Variants in LRRC4C observed in about 807,000 individuals in gnomAD.
LRRC4C encodes leucine-rich repeat-containing protein 4C.
Under a neutral mutation model 33.6 loss-of-function variants are expected in LRRC4C, and 5 were observed. The ratio of observed to expected loss-of-function variants is 0.15; its 90% CI spans 0.08 to 0.31. LRRC4C has a LOEUF of 0.31. Ranked by LOEUF, LRRC4C falls within the 10% of genes least tolerant of loss-of-function variation. The probability of loss-of-function intolerance (pLI) is 1.00; values close to 1 mark genes in which losing one functional copy is unlikely to be tolerated. For missense variants in LRRC4C, 560 were observed against 796.7 expected (o/e 0.70, Z 3.58); for synonymous variants, 329 against 302.0 (o/e 1.09, Z -0.93).
intron 2 of LRRC4C, among the ~76,000 whole-genome samples, chr11:40,682,226 C>T (rs1944724966): frequency 6.6e-6 from 1 of 150,942 alleles, no homozygotes; most frequent in Non-Finnish European, 1.5e-5. Context: ...GCCATGATTG[C>T]ACCACTGCAC....
chr11:40,131,138 C>T lies in LRRC4C; in HGVS notation c.-43+9663G>A, dbSNP rs370960950. 5.9e-4 allele frequency among the ~76,000 whole-genome samples: 90 copies of T among 152,204 alleles called. 2 individuals are homozygous for T. The South Asian group carries it at 0.016, about 27-fold the overall frequency. ...AATAAATATTAGCTGAATTGAATTACGGAAATGTGTCACATATTTTAATTC... is the reference window on the plus strand; with the variant it reads ...AATAAATATTAGCTGAATTGAATTATGGAAATGTGTCACATATTTTAATTC... On this transcript the variant is annotated intron_variant, in intron 6 of 6. Transcript: ENST00000528697.
At chr11:40,136,182 T>C (rs1029400713) in intron 6 of LRRC4C, among the ~76,000 whole-genome samples, 10 of 151,938 alleles carry the variant, frequency 6.6e-5, no homozygotes, top group Non-Finnish European at 1.2e-4. Flanking sequence ...TGATAAACTG[T>C]ATGGCTTGCA....
intron 1 of LRRC4C, among the ~76,000 whole-genome samples, chr11:41,216,464 A>G (rs930810771): frequency 6.6e-6 from 1 of 151,986 alleles, no homozygotes; most frequent in Non-Finnish European, 1.5e-5. Context: ...CTTAAGTAAA[A>G]AAAAAAAAAA....
At chr11:40,126,840 A>G (rs921210365) in intron 6 of LRRC4C, among the ~76,000 whole-genome samples, 4 of 152,028 alleles carry the variant, frequency 2.6e-5, no homozygotes, top group Non-Finnish European at 5.9e-5. Flanking sequence ...CATCCCTGTA[A>G]TCCCAGCTAC....
chr11:40,234,533 C>A (rs1865423157), intron 5 of LRRC4C, among the ~76,000 whole-genome samples: 1 of 152,048 alleles, frequency 6.6e-6, no homozygotes, highest in Non-Finnish European at 1.5e-5. Flanking sequence ...TTTTGGGAGG[C>A]AAAGGTAAGA....
Position 40,663,343 on chromosome 11 carries a change from A to C in LRRC4C, c.-406-15065T>G, listed in dbSNP as rs34148083. On this transcript the variant is annotated intron_variant, in intron 2 of 6. Transcript: ENST00000528697. Reference sequence around the variant, plus strand: ...TGATCTGCCAGCCTTGGCCTCCCAAAGTGTTGGGATTACAGGCGTGAGCCA... The same window carrying C: ...TGATCTGCCAGCCTTGGCCTCCCAACGTGTTGGGATTACAGGCGTGAGCCA... 3.6e-3 allele frequency among the ~76,000 whole-genome samples: 542 copies of C among 152,238 alleles called. 5 individuals carry two copies. The highest frequency in any genetic ancestry group is 0.013 in the African/African-American group (524 of 41,550).
At chr11:40,855,479 CACTT>C (rs1255781988) in intron 2 of LRRC4C, among the ~76,000 whole-genome samples, 1 of 152,126 alleles carries the variant, frequency 6.6e-6, no homozygotes, top group East Asian at 1.9e-4. Flanking sequence ...ATGCTTGGCA[CACTT>C]ACTATGTTTT....
At chr11:41,029,454 A>C (rs1407832830) in intron 1 of LRRC4C, among the ~76,000 whole-genome samples, 1 of 151,766 alleles carries the variant, frequency 6.6e-6, no homozygotes, top group African/African-American at 2.4e-5. Flanking sequence ...ATTTTCATTT[A>C]GACTGCTAGC....
intron 1 of LRRC4C, among the ~76,000 whole-genome samples, chr11:41,380,876 A>G (rs1953120285): frequency 6.6e-6 from 1 of 152,136 alleles, no homozygotes; most frequent in Admixed American, 6.6e-5. Flanking sequence ...CAATGTCAGG[A>G]TAGGTTAGAC....
At chr11:41,021,204 A>AGTGT (rs1488951822) in intron 1 of LRRC4C, among the ~76,000 whole-genome samples, 5 of 46,190 alleles carry the variant, frequency 1.1e-4, no homozygotes, top group African/African-American at 2.5e-4. Flanking sequence ...AGAGAGAGAG[A>AGTGT]GAGAGAGAGA....
At chr11:41,021,210 A>AGT (rs1429047906) in intron 1 of LRRC4C, among the ~76,000 whole-genome samples, 1 of 133,442 alleles carries the variant, frequency 7.5e-6, no homozygotes, top group African/African-American at 2.8e-5. Context: ...AGAGAGAGAG[A>AGT]GAGAGTGTGT....
chr11:41,094,667 T>C (rs1189720829), intron 1 of LRRC4C, among the ~76,000 whole-genome samples: 1 of 152,230 alleles, frequency 6.6e-6, no homozygotes, highest in Non-Finnish European at 1.5e-5. Flanking sequence ...ATTTAGTGTA[T>C]ATTATATACT....
At chr11:40,495,990 C>T (rs1261910337) in intron 3 of LRRC4C, among the ~76,000 whole-genome samples, 4 of 151,552 alleles carry the variant, frequency 2.6e-5, no homozygotes, top group African/African-American at 4.8e-5. Context: ...CCACCACGCC[C>T]GGCTAATTTT....
chr11:40,370,831 A>T (rs1297803386), intron 3 of LRRC4C, among the ~76,000 whole-genome samples: 1 of 152,248 alleles, frequency 6.6e-6, no homozygotes, highest in Admixed American at 6.5e-5. Context: ...AATATTCCCA[A>T]AACACCCAAA....
chr11:40,650,712 A>T (rs1942743186), intron 2 of LRRC4C, among the ~76,000 whole-genome samples: 1 of 152,206 alleles, frequency 6.6e-6, no homozygotes, highest in African/African-American at 2.4e-5. Flanking sequence ...AACTAAGTTT[A>T]ACAAAAATAA....
chr11:40,240,776 G>A (rs940221211), intron 5 of LRRC4C, among the ~76,000 whole-genome samples: 1 of 151,970 alleles, frequency 6.6e-6, no homozygotes, highest in Non-Finnish European at 1.5e-5. Context: ...TTTTAGTAAT[G>A]AGTAACACAA....
intron 1 of LRRC4C, among the ~76,000 whole-genome samples, chr11:40,958,335 G>C (rs1295466891): frequency 6.6e-6 from 1 of 151,730 alleles, no homozygotes; most frequent in Non-Finnish European, 1.5e-5. Flanking sequence ...TAAGTTATAA[G>C]CTTGTAGCAA....
At chr11:40,650,760 A>T (rs1453540976) in intron 2 of LRRC4C, among the ~76,000 whole-genome samples, 3 of 152,194 alleles carry the variant, frequency 2.0e-5, no homozygotes, top group Non-Finnish European at 4.4e-5. Context: ...TATTTAATTT[A>T]ACACTCTCTT....
rs567853594 is a variant in LRRC4C at position 40,393,965 on chromosome 11, T to A, written c.-269-74244A>T. ...AGAAAAAAAATGGATCAGTTTTTTTTAACTTAATTTAGATTTGTATTTTAA... is the reference window on the plus strand; with the variant it reads ...AGAAAAAAAATGGATCAGTTTTTTTAAACTTAATTTAGATTTGTATTTTAA... On this transcript the variant is annotated intron_variant, in intron 3 of 6. Transcript: ENST00000528697. Among the ~76,000 whole-genome samples the A allele has an allele frequency of 7.2e-5, 11 of 152,230 alleles. 1 individual carries two copies. In the South Asian group the frequency reaches 2.3e-3, roughly 32 times the overall value.
Sources: allele counts gnomAD v4.1 joint callset (sites outside exome capture counted in the v4.1 genomes callset), GRCh38; gene constraint gnomAD v4.1.1; transcripts MANE v1.5; gene names NCBI Gene and HGNC (gene_info 2026-07-23, HGNC 2026-07-21).